RALYL: variants seen among roughly 807,000 people sequenced by gnomAD.
RALYL encodes RALY RNA binding protein like.
RALYL carries 29 observed loss-of-function variants against 35.1 expected under a neutral mutation model. The ratio of observed to expected loss-of-function variants is 0.83; its 90% CI spans 0.61 to 1.13. The LOEUF (loss-of-function observed/expected upper bound fraction) is 1.13, where lower values mean the gene tolerates loss of function less well. Among genes scored for constraint, RALYL ranks in the 50% most tolerant of loss-of-function variants. RALYL has a pLI of 0.00. For synonymous variants in RALYL, 120 were observed against 127.6 expected (o/e 0.94, Z 0.40); for missense variants, 359 against 360.4 (o/e 1.00, Z 0.03).
Position 84,426,436 on chromosome 8 carries a change from C to G in RALYL, c.-23-102863C>G, listed in dbSNP as rs62526804. On this transcript the variant is annotated intron_variant, in intron 1 of 8. Transcript: ENST00000521268. ...CTACTCTTTTGCGTTCTCTCTCTCT[C>G]TCTGTGTGTGTGTGTGTGTGTGTGT... 6.0e-3 allele frequency among the ~76,000 whole-genome samples: 791 copies of G among 130,942 alleles called. 4 individuals are homozygous for G. The highest frequency in any genetic ancestry group is 0.013 in the African/African-American group (476 of 36,426). The allele number at this position is 130,942 out of a possible 152,430, so 85.9% of individuals were successfully genotyped here.
chr8:84,342,839 C>T (rs1225688497), intron 1 of RALYL, among the ~76,000 whole-genome samples: 1 of 152,006 alleles, frequency 6.6e-6, no homozygotes, highest in Non-Finnish European at 1.5e-5. Context: ...TCTGTAATCA[C>T]TAAATATAAT....
chr8:84,532,013 G>A (rs1003059638), intron 2 of RALYL, among the ~76,000 whole-genome samples: 1 of 151,828 alleles, frequency 6.6e-6, no homozygotes, highest in Non-Finnish European at 1.5e-5. Flanking sequence ...TCTTAGTTTT[G>A]TCCTCAGGTA....
chr8:84,472,835 T>A (rs2133740046), intron 1 of RALYL, among the ~76,000 whole-genome samples: 1 of 152,312 alleles, frequency 6.6e-6, no homozygotes, highest in Non-Finnish European at 1.5e-5. Context: ...CTGAAAGTAT[T>A]ATTTTCTTCA....
At chr8:84,541,231 A>G (rs889013145) in intron 2 of RALYL, among the ~76,000 whole-genome samples, 4 of 152,086 alleles carry the variant, frequency 2.6e-5, no homozygotes, top group South Asian at 4.1e-4. Flanking sequence ...CTAAAACAGC[A>G]TATAAGTCTG....
chr8:84,916,159 A>G lies in RALYL; in HGVS notation c.859-4735A>G, dbSNP rs574666902. Among the ~76,000 whole-genome samples, 234 of 151,366 alleles carry G rather than the reference A, an allele frequency of 1.5e-3. 1 individual carries two copies. The highest frequency in any genetic ancestry group is 4.9e-3 in the East Asian group (25 of 5,140). On this transcript the variant is annotated intron_variant, in intron 8 of 8. Transcript: ENST00000521268. ...TTAATGTTAAAATAAATTTAACTTT[A>G]TTTACCAAATCCACAGAAACTTTTC...
intron 2 of RALYL, among the ~76,000 whole-genome samples, chr8:84,592,433 G>A (rs977430033): frequency 6.6e-6 from 1 of 152,144 alleles, no homozygotes; most frequent in African/African-American, 2.4e-5. Context: ...GGCAAGACTT[G>A]TAGATTGATA....
At chr8:84,574,660 A>G (rs1325684440) in intron 2 of RALYL, among the ~76,000 whole-genome samples, 1 of 151,998 alleles carries the variant, frequency 6.6e-6, no homozygotes, top group African/African-American at 2.4e-5. Context: ...CTGTTTTCTC[A>G]GTCTTGTGCT....
At chr8:84,316,246 A>C (rs77881032) in intron 1 of RALYL, among the ~76,000 whole-genome samples, 2,775 of 152,264 alleles carry the variant, frequency 0.018, 37 homozygotes, top group South Asian at 0.03. Flanking sequence ...TTTGCAATTT[A>C]CATTTATTTC....
chr8:84,699,021 GATAGATAGAT>G (rs1839708296), intron 2 of RALYL, among the ~76,000 whole-genome samples: 1 of 151,310 alleles, frequency 6.6e-6, no homozygotes, highest in African/African-American at 2.4e-5. Flanking sequence ...TAGATAGATA[GATAGATAGAT>G]AGATAGATAG....
intron 1 of RALYL, among the ~76,000 whole-genome samples, chr8:84,405,094 C>T (rs1399554712): frequency 6.6e-6 from 1 of 152,150 alleles, no homozygotes; most frequent in Non-Finnish European, 1.5e-5. Flanking sequence ...GGAAACTGAA[C>T]AACCTGCTCC....
intron 4 of RALYL, among the ~76,000 whole-genome samples, chr8:84,843,662 C>A (rs1248351907): frequency 1.3e-5 from 2 of 152,180 alleles, no homozygotes; most frequent in African/African-American, 4.8e-5. Flanking sequence ...ATTGCCAAGT[C>A]AATCCTAAGC....
At chr8:84,192,913 G>T (rs1299957586) in intron 1 of RALYL, among the ~76,000 whole-genome samples, 1 of 144,810 alleles carries the variant, frequency 6.9e-6, no homozygotes, top group South Asian at 2.2e-4. Context: ...GTGTGGGGGG[G>T]GGGGTTGTGT....
Position 84,774,574 on chromosome 8 carries a change from T to C in RALYL, c.257-5T>C. 2 of 1,592,658 alleles carry C rather than the reference T, an allele frequency of 1.3e-6. No individual in the cohort carries two copies. Among genetic ancestry groups the C allele is most frequent in the African/African-American group, 1.3e-5 (1 of 74,512 alleles). ...AATCAGTACTGTTTTATTTTATGCT[T>C]TCAGATATCAACATGGCAGGAGAGC... On this transcript the variant is annotated splice_polypyrimidine_tract_variant and splice_region_variant and intron_variant, in intron 2 of 8. Coordinates refer to ENST00000521268, the MANE Select transcript of RALYL (RefSeq NM_173848.7).
chr8:84,217,741 C>T (rs1266484733), intron 1 of RALYL, among the ~76,000 whole-genome samples: 1 of 152,070 alleles, frequency 6.6e-6, no homozygotes, highest in Non-Finnish European at 1.5e-5. Flanking sequence ...GTCTCACTAC[C>T]TGTTTTCTCA....
intron 1 of RALYL, among the ~76,000 whole-genome samples, chr8:84,401,839 T>C (rs2042949963): frequency 6.6e-6 from 1 of 151,150 alleles, no homozygotes; most frequent in South Asian, 2.1e-4. Context: ...TTTTTTTTTC[T>C]GATAAGGACT....
chr8:84,512,841 A>G (rs1473533879), intron 1 of RALYL, among the ~76,000 whole-genome samples: 1 of 152,122 alleles, frequency 6.6e-6, no homozygotes, highest in Non-Finnish European at 1.5e-5. Flanking sequence ...GGCTATAAAT[A>G]TGTTGATTTA....
intron 2 of RALYL, among the ~76,000 whole-genome samples, chr8:84,722,566 A>G (rs945526310): frequency 3.4e-5 from 5 of 147,642 alleles, no homozygotes; most frequent in African/African-American, 1.3e-4. Context: ...GGGCCAATAC[A>G]CAGCTGTCAG....
chr8:84,826,257 C>A (rs1829673680), intron 4 of RALYL, among the ~76,000 whole-genome samples: 1 of 125,044 alleles, frequency 8.0e-6, no homozygotes, highest in Non-Finnish European at 1.6e-5. Context: ...ACAATGCACC[C>A]AAGTAACAAA....
chr8:84,309,729 T>C (rs1312579797), intron 1 of RALYL, among the ~76,000 whole-genome samples: 1 of 152,090 alleles, frequency 6.6e-6, no homozygotes, highest in Non-Finnish European at 1.5e-5. Flanking sequence ...ATCAAAAAAA[T>C]AAAAAGCAAA....
Sources: gnomAD v4.1 joint callset for allele counts (sites outside exome capture counted in the v4.1 genomes callset) on GRCh38, gnomAD v4.1.1 for gene constraint, MANE v1.5 for transcripts, NCBI Gene and HGNC (gene_info 2026-07-23, HGNC 2026-07-21) for gene names.